Variants in ADARB2 observed in about 807,000 individuals in gnomAD.
The protein encoded by ADARB2 is inactive double-stranded RNA-specific editase B2.
ADARB2 carries 25 observed loss-of-function variants against 62.2 expected under a neutral mutation model. The observed-to-expected ratio is 0.40, with a 90% CI of 0.29 to 0.56. The LOEUF (loss-of-function observed/expected upper bound fraction) is 0.56. Among genes scored for constraint, ADARB2 ranks in the 20% least tolerant of loss-of-function variants. The pLI, the probability that ADARB2 is intolerant of heterozygous loss-of-function variation, is 0.43. For missense variants in ADARB2, 1,071 were observed against 1,077.4 expected, an observed-to-expected ratio of 0.99 and a Z score of 0.08; for synonymous variants, 572 against 500.8, an observed-to-expected ratio of 1.14 and a Z score of -1.90.
chr10:1,534,397 C>T (rs1832295904), intron 1 of ADARB2, among the ~76,000 whole-genome samples: 1 of 152,220 alleles, frequency 6.6e-6, no homozygotes, highest in Non-Finnish European at 1.5e-5. Context: ...CTTAGCCTCC[C>T]AAAGTGCTGG....
intron 1 of ADARB2, among the ~76,000 whole-genome samples, chr10:1,667,875 C>A (rs1463241326): frequency 1.3e-5 from 2 of 152,146 alleles, no homozygotes; most frequent in Non-Finnish European, 2.9e-5. Context: ...TGAAAAAAAT[C>A]ATAACTGTAG....
chr10:1,660,740 A>G lies in ADARB2; in HGVS notation c.100+76311T>C, dbSNP rs560586150. 3.9e-5 allele frequency among the ~76,000 whole-genome samples: 6 copies of G among 152,252 alleles called. No individual in the cohort carries two copies. The South Asian group carries it at 1.2e-3, about 32-fold the overall frequency. ...TCCCCAGCCCTGCACCTTGGCCCCAAAGTCTCTGAACTTTTGATCCGCACT... is the reference window on the plus strand; with the variant it reads ...TCCCCAGCCCTGCACCTTGGCCCCAGAGTCTCTGAACTTTTGATCCGCACT... On this transcript the variant is annotated intron_variant, in intron 1 of 9. Transcript: ENST00000381312.
chr10:1,452,340 TAATAATAATAAC>T (rs1761727257), intron 1 of ADARB2, among the ~76,000 whole-genome samples: 1 of 152,026 alleles, frequency 6.6e-6, no homozygotes, highest in Non-Finnish European at 1.5e-5. Flanking sequence ...AAAATAGTAA[TAATAATAATAAC>T]AATAATAAAA....
At chr10:1,579,842 C>G (rs1001254731) in intron 1 of ADARB2, among the ~76,000 whole-genome samples, 1 of 152,184 alleles carries the variant, frequency 6.6e-6, no homozygotes, top group East Asian at 1.9e-4. Context: ...ACATCCTGCA[C>G]AGGCTGGCCA....
At chr10:1,632,630 C>A (rs1833857526) in intron 1 of ADARB2, among the ~76,000 whole-genome samples, 3 of 152,194 alleles carry the variant, frequency 2.0e-5, no homozygotes. Flanking sequence ...GAAATAACTG[C>A]CCTAAAGCCC....
At chr10:1,677,911 A>G (rs567665157) in intron 1 of ADARB2, among the ~76,000 whole-genome samples, 2 of 152,274 alleles carry the variant, frequency 1.3e-5, no homozygotes, top group South Asian at 4.1e-4. Flanking sequence ...TTTAGCATGT[A>G]TTTTGTATTC....
rs548835756 is a variant in ADARB2, at chr10:1,651,067, G to A, written c.100+85984C>T. Among the ~76,000 whole-genome samples, 5 of 152,332 alleles carry A rather than the reference G, an allele frequency of 3.3e-5. No individual in the cohort carries two copies. The East Asian group carries it at 5.8e-4, about 18-fold the overall frequency. Reference sequence around the variant, plus strand: ...GCTTCAGATGTTCCGCTCTCCCCTCGTGAGACAGACGGCCCGGCTTCTGTG... The same window carrying A: ...GCTTCAGATGTTCCGCTCTCCCCTCATGAGACAGACGGCCCGGCTTCTGTG... On this transcript the variant is annotated intron_variant, in intron 1 of 9. Transcript: ENST00000381312.
At chr10:1,658,552 CTCTG>C (rs969497529) in intron 1 of ADARB2, among the ~76,000 whole-genome samples, 14 of 152,216 alleles carry the variant, frequency 9.2e-5, no homozygotes, top group African/African-American at 3.1e-4. Flanking sequence ...CTCTGATTCT[CTCTG>C]TCTCTCTATC....
chr10:1,191,060 A>C (rs897936830), intron 8 of ADARB2, among the ~76,000 whole-genome samples: 2 of 150,548 alleles, frequency 1.3e-5, no homozygotes, highest in African/African-American at 5.0e-5. Flanking sequence ...TCTGGGCCCC[A>C]CACTGAGTAG....
intron 1 of ADARB2, among the ~76,000 whole-genome samples, chr10:1,469,433 G>A (rs1330381065): frequency 2.6e-5 from 4 of 152,094 alleles, no homozygotes; most frequent in African/African-American, 9.7e-5. Flanking sequence ...ATTGAAAACC[G>A]TTGGATTCTC....
At position 1,535,708 on chromosome 10, in the gene ADARB2, C is replaced by T. The variant is rs41307544; in HGVS notation, c.101-156548G>A. The T allele has an allele frequency of 9.7e-3, 1,623 of 167,192 alleles. 15 individuals carry two copies. The highest frequency in any genetic ancestry group is 0.017 in the Non-Finnish European group (1,131 of 68,134). 10.4% of individuals were successfully genotyped at this position (167,192 alleles called of 1,614,324 possible). ...CTGGGTTCCCTTGAGGGGACTCTGTCGACATAACTCACCCTGTCCCGGGTG... is the reference window on the plus strand; with the variant it reads ...CTGGGTTCCCTTGAGGGGACTCTGTTGACATAACTCACCCTGTCCCGGGTG... On this transcript the variant is annotated intron_variant, in intron 1 of 9. Coordinates refer to ENST00000381312, the MANE Select transcript of ADARB2 (RefSeq NM_018702.4).
chr10:1,584,859 T>A (rs2813389), intron 1 of ADARB2, among the ~76,000 whole-genome samples: 6,745 of 152,242 alleles, frequency 0.044, 501 homozygotes, highest in African/African-American at 0.15. Context: ...CTGAAAAGGC[T>A]ACATCCTGTA....
intron 1 of ADARB2, among the ~76,000 whole-genome samples, chr10:1,431,484 T>C (rs1004116305): frequency 6.6e-6 from 1 of 152,178 alleles, no homozygotes; most frequent in Non-Finnish European, 1.5e-5. Flanking sequence ...ATATTTATAA[T>C]TGATCTAGAC....
Position 1,327,168 on chromosome 10 carries a change from T to C in ADARB2, c.1077+35860A>G, listed in dbSNP as rs183758152. The stretch of plus-strand genomic sequence containing the variant: ...TGCACAGTGCCTCGTCACAGTTTAG[T>C]GCCTGCCCACAGTTCAGCGCCTCCC... On this transcript the variant is annotated intron_variant, in intron 3 of 9. Coordinates refer to ENST00000381312, the MANE Select transcript of ADARB2 (RefSeq NM_018702.4). 3.0e-3 allele frequency among the ~76,000 whole-genome samples: 183 copies of C among 61,420 alleles called. 31 individuals carry two copies. The highest frequency in any genetic ancestry group is 0.01 in the African/African-American group (171 of 16,844). The allele number at this position is 61,420 out of a possible 152,430, so 40.3% of individuals were successfully genotyped here.
Position 1,724,818 on chromosome 10 carries a change from T to A in ADARB2, c.100+12233A>T, listed in dbSNP as rs371503639. Among the ~76,000 whole-genome samples, 47 of 152,210 alleles carry A rather than the reference T, an allele frequency of 3.1e-4. 1 individual carries two copies. The highest frequency in any genetic ancestry group is 1.1e-3 in the African/African-American group (46 of 41,530). Reference sequence around the variant, plus strand: ...CACAGAACTTTAATAAGCAGGGGTGTCGTAGGGAGAATGTGGACAGCCACA... The same window carrying A: ...CACAGAACTTTAATAAGCAGGGGTGACGTAGGGAGAATGTGGACAGCCACA... On this transcript the variant is annotated intron_variant, in intron 1 of 9. Transcript: ENST00000381312.
At chr10:1,257,054 TTTG>T (rs1472980343) in intron 4 of ADARB2, among the ~76,000 whole-genome samples, 4 of 152,186 alleles carry the variant, frequency 2.6e-5, no homozygotes, top group Non-Finnish European at 5.9e-5. Context: ...TTGGTATGCT[TTTG>T]TTCTGTTTTT....
chr10:1,357,488 T>TA (rs1832207653), intron 3 of ADARB2, among the ~76,000 whole-genome samples: 1 of 151,966 alleles, frequency 6.6e-6, no homozygotes, highest in African/African-American at 2.4e-5. Flanking sequence ...ATGGTTTTTT[T>TA]AGCAAATAAA....
intron 1 of ADARB2, among the ~76,000 whole-genome samples, chr10:1,495,020 TTA>T (rs1831669323): frequency 6.6e-6 from 1 of 152,214 alleles, no homozygotes; most frequent in Admixed American, 6.5e-5. Context: ...GAGGCATAAT[TTA>T]TATATATGTT....
intron 1 of ADARB2, among the ~76,000 whole-genome samples, chr10:1,732,448 C>T (rs973515149): frequency 6.6e-6 from 1 of 152,106 alleles, no homozygotes; most frequent in African/African-American, 2.4e-5. Context: ...TACATTCAAA[C>T]TCGCACGTCA....
Sources: gnomAD v4.1 joint callset for allele counts (sites outside exome capture counted in the v4.1 genomes callset) on GRCh38, gnomAD v4.1.1 for gene constraint, MANE v1.5 for transcripts, NCBI Gene and HGNC (gene_info 2026-07-23, HGNC 2026-07-21) for gene names.